Variants in SNTG1 observed in about 807,000 individuals in gnomAD.
The protein encoded by SNTG1 is syntrophin gamma 1, also known as gamma-1-syntrophin.
SNTG1 carries 39 observed loss-of-function variants against 74.7 expected under a neutral mutation model. That is an observed-to-expected ratio of 0.52 (90% CI 0.40 to 0.68). The LOEUF (loss-of-function observed/expected upper bound fraction) is 0.68, where lower values mean the gene tolerates loss of function less well. Ranked by LOEUF, SNTG1 falls within the 30% of genes least tolerant of loss-of-function variation. SNTG1 has a pLI of 0.00. For synonymous variants in SNTG1, 254 were observed against 217.1 expected (o/e 1.17, Z -1.49); for missense variants, 685 against 609.5 (o/e 1.12, Z -1.30).
intron 1 of SNTG1, among the ~76,000 whole-genome samples, chr8:49,912,961 C>A (rs1166391970): frequency 6.6e-6 from 1 of 152,164 alleles, no homozygotes; most frequent in Non-Finnish European, 1.5e-5. Flanking sequence ...GTGATAGGGA[C>A]CAGTAGGTTC....
chr8:50,492,886 A>G (rs891350267), intron 8 of SNTG1, among the ~76,000 whole-genome samples: 3 of 152,124 alleles, frequency 2.0e-5, no homozygotes, highest in African/African-American at 7.2e-5. Flanking sequence ...TAAGTCTTTA[A>G]TCCATCTTCA....
chr8:50,204,192 CA>C (rs548938163), intron 2 of SNTG1, among the ~76,000 whole-genome samples: 88 of 152,156 alleles, frequency 5.8e-4, no homozygotes, highest in African/African-American at 2.1e-3. Flanking sequence ...AGATATGTGC[CA>C]AGTAAGATTT....
intron 13 of SNTG1, among the ~76,000 whole-genome samples, chr8:50,614,362 C>T (rs2094872179): frequency 1.3e-5 from 2 of 152,030 alleles, no homozygotes; most frequent in Non-Finnish European, 2.9e-5. Flanking sequence ...AGAAGGCCTA[C>T]AATTCCTACA....
rs191077701 is a variant in SNTG1, at chr8:50,626,193, G to A, written c.850-30716G>A. ...GCTGAACTTCCTTTATATAACACTC[G>A]TTTTACTATGAATTTCTTCTTGGAA... is the stretch of plus-strand genomic sequence containing the variant. On this transcript the variant is annotated intron_variant, in intron 13 of 18. Transcript: ENST00000642720. 2.6e-4 allele frequency among the ~76,000 whole-genome samples: 40 copies of A among 152,146 alleles called. No homozygotes were observed. The East Asian group carries it at 3.5e-3, about 13-fold the overall frequency.
chr8:50,193,672 T>A (rs1053908500), intron 2 of SNTG1, among the ~76,000 whole-genome samples: 1 of 152,266 alleles, frequency 6.6e-6, no homozygotes, highest in Non-Finnish European at 1.5e-5. Context: ...TTCTTCCTTT[T>A]GTATGATTGC....
intron 1 of SNTG1, among the ~76,000 whole-genome samples, chr8:49,975,801 C>T (rs1360319328): frequency 2.7e-5 from 4 of 150,166 alleles, no homozygotes; most frequent in African/African-American, 9.9e-5. Context: ...GTAAAGGCTC[C>T]ATTCTTGATA....
At chr8:50,382,725 C>T (rs923449649) in intron 2 of SNTG1, among the ~76,000 whole-genome samples, 17 of 152,104 alleles carry the variant, frequency 1.1e-4, no homozygotes, top group African/African-American at 4.1e-4. Context: ...ATCTCAGTGG[C>T]ATACACAACT....
intron 13 of SNTG1, among the ~76,000 whole-genome samples, chr8:50,639,586 C>A (rs915780917): frequency 1.3e-5 from 2 of 151,858 alleles, no homozygotes; most frequent in African/African-American, 4.8e-5. Context: ...GAATTGTGTG[C>A]AATCATGCTT....
chr8:50,026,937 G>A (rs1219674786), intron 1 of SNTG1, among the ~76,000 whole-genome samples: 1 of 152,148 alleles, frequency 6.6e-6, no homozygotes, highest in Non-Finnish European at 1.5e-5. Flanking sequence ...GTGCTTGCTT[G>A]ACAGTGCTGC....
Position 50,086,199 on chromosome 8 carries a change from T to G in SNTG1, c.-102-86362T>G, listed in dbSNP as rs917485321. Among the ~76,000 whole-genome samples, 3 of 152,318 alleles carry G rather than the reference T, an allele frequency of 2.0e-5. No individual in the cohort carries two copies. The East Asian group carries it at 5.8e-4, about 29-fold the overall frequency. ...GACTACAGAGAGCTGCATCTGATGT[T>G]TGAGTTATATCTTAAGGAATTAACA... On this transcript the variant is annotated intron_variant, in intron 1 of 18. Transcript: ENST00000642720.
intron 13 of SNTG1, among the ~76,000 whole-genome samples, chr8:50,624,804 G>A (rs1339715801): frequency 6.6e-6 from 1 of 152,072 alleles, no homozygotes; most frequent in Non-Finnish European, 1.5e-5. Flanking sequence ...TACTTTGAAA[G>A]CTTTCTTGAA....
At chr8:50,086,037 G>GAA (rs58263106) in intron 1 of SNTG1, among the ~76,000 whole-genome samples, 2 of 147,014 alleles carry the variant, frequency 1.4e-5, no homozygotes, top group African/African-American at 2.5e-5. Context: ...CTGAGAGAAA[G>GAA]AAAAAAAAAA....
At chr8:50,154,632 G>A (rs1215904359) in intron 1 of SNTG1, among the ~76,000 whole-genome samples, 4 of 152,208 alleles carry the variant, frequency 2.6e-5, no homozygotes, top group African/African-American at 9.6e-5. Flanking sequence ...GCTCATCTCT[G>A]TGATATTCTT....
At chr8:50,107,044 G>GTTAATTGTCT (rs1586302558) in intron 1 of SNTG1, among the ~76,000 whole-genome samples, 2 of 152,258 alleles carry the variant, frequency 1.3e-5, no homozygotes, top group East Asian at 3.9e-4. Context: ...AAGCTCCAGG[G>GTTAATTGTCT]TGCCCAGCAA....
chr8:50,486,432 A>G (rs1003080440), intron 8 of SNTG1, among the ~76,000 whole-genome samples: 3 of 138,830 alleles, frequency 2.2e-5, no homozygotes, highest in Non-Finnish European at 3.1e-5. Flanking sequence ...GAGTTCACTC[A>G]TGATTTGGCT....
chr8:50,720,069 G>A (rs929711056), intron 17 of SNTG1, among the ~76,000 whole-genome samples: 6 of 152,164 alleles, frequency 3.9e-5, no homozygotes, highest in African/African-American at 2.4e-5. Flanking sequence ...CTGGCCCAAT[G>A]ATAATGCATT....
intron 2 of SNTG1, among the ~76,000 whole-genome samples, chr8:50,208,987 G>C (rs2084380475): frequency 6.6e-6 from 1 of 152,094 alleles, no homozygotes; most frequent in Admixed American, 6.6e-5. Flanking sequence ...CCTAGCCAAG[G>C]GAAGCTGTGA....
intron 18 of SNTG1, among the ~76,000 whole-genome samples, chr8:50,781,443 G>C (rs12677243): frequency 0.072 from 10,974 of 151,660 alleles, 1,175 homozygotes; most frequent in African/African-American, 0.23. Context: ...GAATTGATCC[G>C]TTTACCATTA....
chr8:50,130,556 C>T (rs1402631101), intron 1 of SNTG1, among the ~76,000 whole-genome samples: 1 of 152,038 alleles, frequency 6.6e-6, no homozygotes, highest in Admixed American at 6.6e-5. Flanking sequence ...TTTCACAATG[C>T]TAAAAGAATG....
Sources: gnomAD v4.1 joint callset for allele counts (sites outside exome capture counted in the v4.1 genomes callset) on GRCh38, gnomAD v4.1.1 for gene constraint, MANE v1.5 for transcripts, NCBI Gene and HGNC (gene_info 2026-07-23, HGNC 2026-07-21) for gene names.